Variants in POU3F1 observed in about 807,000 individuals in gnomAD.
POU3F1 encodes POU class 3 homeobox 1.
A neutral mutation model predicts 7.6 loss-of-function variants in POU3F1; 1 was observed. The observed-to-expected ratio is 0.13, with a 90% CI of 0.05 to 0.62. The LOEUF (loss-of-function observed/expected upper bound fraction) is 0.62. POU3F1 is among the 20% of genes least tolerant of loss of function. The probability of loss-of-function intolerance (pLI) is 0.87; values close to 1 mark genes in which losing one functional copy is unlikely to be tolerated. For synonymous variants in POU3F1, 354 were observed against 339.0 expected, an observed-to-expected ratio of 1.04 and a Z score of -0.49; for missense variants, 505 against 679.3, an observed-to-expected ratio of 0.74 and a Z score of 2.85.
chr1:38,046,019 C>T lies in POU3F1; in HGVS notation c.725G>A (p.Gly242Asp). The change falls in exon 1 of 1, where the codon GGC (glycine) becomes GAC (aspartate). Residue 242 changes from glycine (G) to aspartate (D), a missense_variant. Physicochemically the swap from Gly to Asp is moderately conservative, Grantham distance 94. This residue lies in a region of POU3F1 where 361 missense variants were observed against 382.1 expected (regional missense o/e 0.94). Coordinates refer to ENST00000373012, the MANE Select transcript of POU3F1 (RefSeq NM_002699.4). The surrounding 1 kb of genome is among the most constrained non-coding windows in gnomAD (Gnocchi z 9.5). ...PGAGGGGSSV[G>D]EHSDEDAPSS... ...GGGCGCATCCTCGTCCGAGTGCTCG[C>T]CCACCGATGAGCCGCCGCCGCCCGC... 1 of 1,597,294 alleles carries T rather than the reference C, an allele frequency of 6.3e-7. No individual in the cohort carries two copies.
Position 38,045,634 on chromosome 1 carries a change from G to T in POU3F1, c.1110C>A (p.Thr370=), listed in dbSNP as rs376666397. 1 of 1,613,630 alleles carries T rather than the reference G, an allele frequency of 6.2e-7. No individual in the cohort carries two copies. Among genetic ancestry groups the T allele is most frequent in the South Asian group, 1.1e-5 (1 of 91,016 alleles). ...KCPKPSAHEI[T]GLADSLQLEK... is the part of the protein sequence containing the mutation. ...CCAGCTGCAGGCTGTCTGCCAAGCC[G>T]GTGATCTCGTGCGCCGAGGGCTTGG... Residue 370 remains threonine, a synonymous_variant, in exon 1 of 1, where the codon ACC becomes ACA. Transcript: ENST00000373012. The surrounding 1 kb of genome is among the most constrained non-coding windows in gnomAD (Gnocchi z 9.4).
chr1:38,045,749 T>C lies in POU3F1; in HGVS notation c.995A>G (p.Lys332Arg), dbSNP rs1369703233. Reference protein sequence around the residue: ...SSSGSPTNLDKIAAQGRKRKK... With the variant: ...SSSGSPTNLDRIAAQGRKRKK... ...GCGCTTGCGGCCCTGCGCCGCGATCTTGTCCAGGTTGGTGGGGCTGCCGCT... is the reference window on the plus strand; with the variant it reads ...GCGCTTGCGGCCCTGCGCCGCGATCCTGTCCAGGTTGGTGGGGCTGCCGCT... The change falls in exon 1 of 1, where the codon AAG becomes AGG. Residue 332 changes from lysine to arginine, a missense_variant. Physicochemically the swap from Lys to Arg is conservative, Grantham distance 26 (BLOSUM62 2). Transcript: ENST00000373012. This position sits in a 1 kb window ranked among gnomAD's most constrained non-coding sequence, Gnocchi z 9.4. 7 of 1,613,290 alleles carry C rather than the reference T, an allele frequency of 4.3e-6. No individual in the cohort carries two copies. The highest frequency in any genetic ancestry group is 5.9e-6 in the Non-Finnish European group (7 of 1,179,776).
In POU3F1 at chr1:38,046,636, G is replaced by GGCCGCCGCC. The variant is rs753093803; in HGVS notation, c.99_107dup (p.Ala35_Ala37dup). The GGCCGCCGCC allele has an allele frequency of 1.7e-5, 22 of 1,318,550 alleles. No homozygotes were observed. The highest frequency in any genetic ancestry group is 1.1e-4 in the African/African-American group (7 of 63,972). 81.7% of individuals were successfully genotyped at this position (1,318,550 alleles called of 1,614,324 possible). A position where few individuals can be genotyped will look rare whatever the true frequency, so the allele number is the denominator to read the frequency against. On this transcript the variant is annotated inframe_insertion, in exon 1 of 1. Transcript: ENST00000373012. The surrounding 1 kb of genome is among the most constrained non-coding windows in gnomAD (Gnocchi z 9.5). ...CGGCCCCTGCATGCAATCGCTCCGC[G>GGCCGCCGCC]GCCGCCGCCGCCGCCGCCGCCGCCG...
Position 38,046,104 on chromosome 1 carries a change from C to T in POU3F1, c.640G>A (p.Ala214Thr). 1 of 1,290,756 alleles carries T rather than the reference C, an allele frequency of 7.7e-7. No homozygotes were observed. The highest frequency in any genetic ancestry group is 1.4e-5 in the South Asian group (1 of 69,552). The allele number at this position is 1,290,756 out of a possible 1,614,324, so 80.0% of individuals were successfully genotyped here. A position where few individuals can be genotyped will look rare whatever the true frequency, so the allele number is the denominator to read the frequency against. The change falls in exon 1 of 1, where the codon GCA becomes ACA. Residue 214 changes from alanine (A) to threonine (T), a missense_variant. This residue lies in a region of POU3F1 where 361 missense variants were observed against 382.1 expected (regional missense o/e 0.94). Transcript: ENST00000373012. This position sits in a 1 kb window ranked among gnomAD's most constrained non-coding sequence, Gnocchi z 9.5. ...PPPHLGAHGH[A>T]HGHAHAGGLH... ...CCGCCCGCGTGTGCATGTCCGTGTG[C>T]GTGTCCGTGGGCGCCCAGATGCGGC... is the stretch of plus-strand genomic sequence containing the variant.
Position 38,046,568 on chromosome 1 carries a change from C to T in POU3F1, c.176G>A (p.Gly59Asp), listed in dbSNP as rs867023292. 1.5e-6 allele frequency: 2 copies of T among 1,377,150 alleles called. No individual in the cohort carries two copies. Among genetic ancestry groups the T allele is most frequent in the Non-Finnish European group, 1.9e-6 (2 of 1,061,204 alleles). The allele number at this position is 1,377,150 out of a possible 1,614,324, so 85.3% of individuals were successfully genotyped here. Residue 59 changes from glycine to aspartate, a missense_variant, in exon 1 of 1, where the codon GGC (glycine) becomes GAC (aspartate). This residue lies in a region of POU3F1 where 361 missense variants were observed against 382.1 expected (regional missense o/e 0.94). Transcript: ENST00000373012. The surrounding 1 kb of genome is among the most constrained non-coding windows in gnomAD (Gnocchi z 9.5). ...VQKLMHHEWLGAGAGHPVGLA... is the reference protein window; with the variant it reads ...VQKLMHHEWLDAGAGHPVGLA... ...GCCCACGGGGTGGCCCGCGCCCGCGCCCAGCCACTCGTGGTGCATCAGCTT... is the reference window on the plus strand; with the variant it reads ...GCCCACGGGGTGGCCCGCGCCCGCGTCCAGCCACTCGTGGTGCATCAGCTT...
rs867610654 is a variant in POU3F1 at position 38,046,611 on chromosome 1, C to T, written c.133G>A (p.Ala45Thr). ...AAAERLHAGA[A>T]YREVQKLMHH... is the part of the protein sequence containing the mutation. ...ATCAGCTTCTGCACTTCGCGGTACG[C>T]GGCCCCTGCATGCAATCGCTCCGCG... Residue 45 changes from alanine (A) to threonine (T), a missense_variant, in exon 1 of 1, where the codon GCG becomes ACG. By Grantham distance (58) the Ala-to-Thr change is moderately conservative (BLOSUM62 0). This residue lies in a region of POU3F1 where 361 missense variants were observed against 382.1 expected (regional missense o/e 0.94). Coordinates refer to ENST00000373012, the MANE Select transcript of POU3F1 (RefSeq NM_002699.4). The surrounding 1 kb of genome is among the most constrained non-coding windows in gnomAD (Gnocchi z 9.5). 2 of 1,368,700 alleles carry T rather than the reference C, an allele frequency of 1.5e-6. No homozygotes were observed. Among genetic ancestry groups the T allele is most frequent in the Non-Finnish European group, 1.9e-6 (2 of 1,054,794 alleles). The allele number at this position is 1,368,700 out of a possible 1,614,324, so 84.8% of individuals were successfully genotyped here.
rs1646844372 is a variant in POU3F1, at chr1:38,044,053, T to C, written c.*1335A>G. Among the ~76,000 whole-genome samples, 1 of 151,968 alleles carries C rather than the reference T, an allele frequency of 6.6e-6. No homozygotes were observed. The highest frequency in any genetic ancestry group is 2.1e-4 in the South Asian group (1 of 4,834). On this transcript the variant is annotated 3_prime_UTR_variant, in exon 1 of 1. Transcript: ENST00000373012. ...GCTCCAAACACATCCAGAAAATAAA[T>C]AGAGATGGGTCAGAAATTCGGAAAT...
Position 38,046,772 on chromosome 1 carries a change from G to C in POU3F1, c.-29C>G. The C allele has an allele frequency of 3.0e-6, 3 of 985,302 alleles. No individual in the cohort carries two copies. Among genetic ancestry groups the C allele is most frequent in the Non-Finnish European group, 3.6e-6 (3 of 831,418 alleles). The allele number at this position is 985,302 out of a possible 1,614,324, so 61.0% of individuals were successfully genotyped here. A position where few individuals can be genotyped will look rare whatever the true frequency, so the allele number is the denominator to read the frequency against. On this transcript the variant is annotated 5_prime_UTR_variant, in exon 1 of 1. Transcript: ENST00000373012. This position sits in a 1 kb window ranked among gnomAD's most constrained non-coding sequence, Gnocchi z 9.5. ...GCCCCGCGCCCTGCGCCGCGCCGCC[G>C]CCGCCGCTCCGCTCCGTCTGCGGGC... is the stretch of plus-strand genomic sequence containing the variant.
Position 38,046,672 on chromosome 1 carries a change from G to A in POU3F1, c.72C>T (p.His24=). The change falls in exon 1 of 1, where the codon CAC becomes CAT. Residue 24 remains histidine, a synonymous_variant. Transcript: ENST00000373012. This position sits in a 1 kb window ranked among gnomAD's most constrained non-coding sequence, Gnocchi z 9.5. ...GGAGGTGPLM[H]PDAAAAAAAA... ...CCGCCGCCGCCGCCGCGGCGTCCGG[G>A]TGCATAAGCGGCCCGGTGCCCCCGG... 5 of 1,248,932 alleles carry A rather than the reference G, an allele frequency of 4.0e-6. No individual in the cohort carries two copies. The highest frequency in any genetic ancestry group is 5.0e-6 in the Non-Finnish European group (5 of 998,874). The allele number at this position is 1,248,932 out of a possible 1,614,324, so 77.4% of individuals were successfully genotyped here. A position where few individuals can be genotyped will look rare whatever the true frequency, so the allele number is the denominator to read the frequency against.
chr1:38,045,460 G>A lies in POU3F1; in HGVS notation c.1284C>T (p.Ser428=). 1 of 1,454,260 alleles carries A rather than the reference G, an allele frequency of 6.9e-7. No homozygotes were observed. Among genetic ancestry groups the A allele is most frequent in the African/African-American group, 1.4e-5 (1 of 69,564 alleles). 90.1% of individuals were successfully genotyped at this position (1,454,260 alleles called of 1,614,324 possible). The part of the protein sequence containing the change: ...GPGGGGASPP[S]APPPPPPAAL... ...CCGCCGGCGGGGGCGGTGGGGGCGC[G>A]GAGGGTGGCGATGCGCCGCCCCCGC... Residue 428 remains serine (S), a synonymous_variant, in exon 1 of 1, where the codon TCC becomes TCT. Coordinates refer to ENST00000373012, the MANE Select transcript of POU3F1 (RefSeq NM_002699.4). This position sits in a 1 kb window ranked among gnomAD's most constrained non-coding sequence, Gnocchi z 9.4.
In POU3F1 at chr1:38,045,148, T is replaced by G. The variant is rs1646851017; in HGVS notation, c.*240A>C. 1 of 158,202 alleles carries G rather than the reference T, an allele frequency of 6.3e-6. No homozygotes were observed. The highest frequency in any genetic ancestry group is 1.9e-4 in the East Asian group (1 of 5,250). The allele number at this position is 158,202 out of a possible 1,614,324, so 9.8% of individuals were successfully genotyped here. On this transcript the variant is annotated 3_prime_UTR_variant, in exon 1 of 1. Transcript: ENST00000373012. The surrounding 1 kb of genome is among the most constrained non-coding windows in gnomAD (Gnocchi z 9.4). ...CAGGCGGCGGGCAGGATGCCCGGGG[T>G]GAGTTGGCGAGTTCCGGATCTTCGC...
Position 38,046,286 on chromosome 1 carries a change from G to A in POU3F1, c.458C>T (p.Pro153Leu). 1 of 1,153,992 alleles carries A rather than the reference G, an allele frequency of 8.7e-7. No individual in the cohort carries two copies. Among genetic ancestry groups the A allele is most frequent in the Non-Finnish European group, 1.1e-6 (1 of 939,370 alleles). 71.5% of individuals were successfully genotyped at this position (1,153,992 alleles called of 1,614,324 possible). The change falls in exon 1 of 1, where the codon CCC becomes CTC. Residue 153 changes from proline (P) to leucine (L), a missense_variant. Around this residue, in one of 5 missense-constraint regions of POU3F1, gnomAD observed 361 missense variants for 382.1 expected, o/e 0.94. Coordinates refer to ENST00000373012, the MANE Select transcript of POU3F1 (RefSeq NM_002699.4). The surrounding 1 kb of genome is among the most constrained non-coding windows in gnomAD (Gnocchi z 9.5). ...CTGCGCGTACAGCCCGAGCGGCTGG[G>A]GCTGGTGGCCCCCGCTGGCCCCGGG... is the stretch of plus-strand genomic sequence containing the variant. ...PSPGASGGHQ[P>L]QPLGLYAQAA...
In POU3F1 at chr1:38,045,960, A is replaced by G; in HGVS notation, c.784T>C (p.Phe262Leu). Residue 262 changes from phenylalanine to leucine, a missense_variant, in exon 1 of 1, where the codon TTC becomes CTC. By Grantham distance (22) the Phe-to-Leu change is conservative. This residue lies in a region of POU3F1 where 26 missense variants were observed against 99.9 expected (regional missense o/e 0.26). Transcript: ENST00000373012. The surrounding 1 kb of genome is among the most constrained non-coding windows in gnomAD (Gnocchi z 9.4). The part of the protein sequence containing the change: ...SDDLEQFAKQ[F>L]KQRRIKLGFT... ...CCCAGCTTGATGCGCCGCTGCTTGA[A>G]CTGCTTGGCGAACTGCTCCAGGTCG... 1 of 1,612,904 alleles carries G rather than the reference A, an allele frequency of 6.2e-7. No individual in the cohort carries two copies. The highest frequency in any genetic ancestry group is 8.5e-7 in the Non-Finnish European group (1 of 1,179,914).
chr1:38,045,685 C>T lies in POU3F1; in HGVS notation c.1059G>A (p.Ala353=), dbSNP rs1646856698. The T allele has an allele frequency of 1.5e-5, 24 of 1,613,100 alleles. No individual in the cohort carries two copies. Among genetic ancestry groups the T allele is most frequent in the Non-Finnish European group, 2.0e-5 (24 of 1,179,616 alleles). Residue 353 remains alanine, a synonymous_variant, in exon 1 of 1, where the codon GCG becomes GCA. Transcript: ENST00000373012. The surrounding 1 kb of genome is among the most constrained non-coding windows in gnomAD (Gnocchi z 9.4). ...GGCACTTGAGAAAGTGGCTCTCGAG[C>T]GCGCCTTTGACCCCCACCTCGATGG... ...RTSIEVGVKG[A]LESHFLKCPK...
In POU3F1 at chr1:38,046,780, T is replaced by C; in HGVS notation, c.-37A>G. 1.0e-6 allele frequency: 1 copy of C among 983,614 alleles called. No homozygotes were observed. The highest frequency in any genetic ancestry group is 1.2e-6 in the Non-Finnish European group (1 of 830,700). The allele number at this position is 983,614 out of a possible 1,614,324, so 60.9% of individuals were successfully genotyped here. A position where few individuals can be genotyped will look rare whatever the true frequency, so the allele number is the denominator to read the frequency against. Reference sequence around the variant, plus strand: ...CCCTGCGCCGCGCCGCCGCCGCCGCTCCGCTCCGTCTGCGGGCCCCGCCGC... The same window carrying C: ...CCCTGCGCCGCGCCGCCGCCGCCGCCCCGCTCCGTCTGCGGGCCCCGCCGC... On this transcript the variant is annotated 5_prime_UTR_variant, in exon 1 of 1. Transcript: ENST00000373012. The surrounding 1 kb of genome is among the most constrained non-coding windows in gnomAD (Gnocchi z 9.5).
Position 38,046,388 on chromosome 1 carries a change from T to C in POU3F1, c.356A>G (p.Gln119Arg). 1 of 1,241,576 alleles carries C rather than the reference T, an allele frequency of 8.1e-7. No individual in the cohort carries two copies. The highest frequency in any genetic ancestry group is 4.4e-5 in the Admixed American group (1 of 22,604). 76.9% of individuals were successfully genotyped at this position (1,241,576 alleles called of 1,614,324 possible). Residue 119 changes from glutamine to arginine, a missense_variant, in exon 1 of 1, where the codon CAG becomes CGG. This residue lies in a region of POU3F1 where 361 missense variants were observed against 382.1 expected (regional missense o/e 0.94). Transcript: ENST00000373012. The surrounding 1 kb of genome is among the most constrained non-coding windows in gnomAD (Gnocchi z 9.5). Reference sequence around the variant, plus strand: ...TGCCGCGCCCGCGTGGGCCGCCCCCTGGTGCACCAGGCGCGCGTGGAAACC... The same window carrying C: ...TGCCGCGCCCGCGTGGGCCGCCCCCCGGTGCACCAGGCGCGCGTGGAAACC... ...GGGFHARLVH[Q>R]GAAHAGAAWA...
At position 38,044,334 on chromosome 1, in the gene POU3F1, AG is replaced by A. The variant is rs559365458; in HGVS notation, c.*1053del. On this transcript the variant is annotated 3_prime_UTR_variant, in exon 1 of 1. Coordinates refer to ENST00000373012, the MANE Select transcript of POU3F1 (RefSeq NM_002699.4). ...AGGGAAGCTGCAGGGAATCAGGCGG[AG>A]GGTTCTCAGGGAACGGCTTATTTCT... 1.5e-3 allele frequency among the ~76,000 whole-genome samples: 223 copies of A among 152,390 alleles called. No homozygotes were observed. The highest frequency in any genetic ancestry group is 4.6e-3 in the African/African-American group (193 of 41,600).
At position 38,046,243 on chromosome 1, in the gene POU3F1, G is replaced by A. The variant is rs1646860280; in HGVS notation, c.501C>T (p.Gly167=). The stretch of plus-strand genomic sequence containing the variant: ...GCATCCCGGCCAGGCCGCCGCCGCC[G>A]CCCCCCGGGTAGGCCGCCTGCGCGT... ...GLYAQAAYPG[G]GGGGLAGMLA... The change falls in exon 1 of 1, where the codon GGC becomes GGT. Residue 167 remains glycine (G), a synonymous_variant. Coordinates refer to ENST00000373012, the MANE Select transcript of POU3F1 (RefSeq NM_002699.4). This position sits in a 1 kb window ranked among gnomAD's most constrained non-coding sequence, Gnocchi z 9.5. 9.4e-7 allele frequency: 1 copy of A among 1,062,962 alleles called. No homozygotes were observed. The highest frequency in any genetic ancestry group is 1.1e-6 in the Non-Finnish European group (1 of 885,384). The allele number at this position is 1,062,962 out of a possible 1,614,324, so 65.8% of individuals were successfully genotyped here. A position where few individuals can be genotyped will look rare whatever the true frequency, so the allele number is the denominator to read the frequency against.
In POU3F1 at chr1:38,046,188, C is replaced by T. The variant is rs899926051; in HGVS notation, c.556G>A (p.Gly186Ser). 8 of 1,151,262 alleles carry T rather than the reference C, an allele frequency of 6.9e-6. No homozygotes were observed. The highest frequency in any genetic ancestry group is 3.3e-5 in the African/African-American group (2 of 60,808). 71.3% of individuals were successfully genotyped at this position (1,151,262 alleles called of 1,614,324 possible). A position where few individuals can be genotyped will look rare whatever the true frequency, so the allele number is the denominator to read the frequency against. The change falls in exon 1 of 1, where the codon GGC (glycine) becomes AGC (serine). Residue 186 changes from glycine to serine, a missense_variant. This residue lies in a region of POU3F1 where 361 missense variants were observed against 382.1 expected (regional missense o/e 0.94). Coordinates refer to ENST00000373012, the MANE Select transcript of POU3F1 (RefSeq NM_002699.4). This position sits in a 1 kb window ranked among gnomAD's most constrained non-coding sequence, Gnocchi z 9.5. ...TCCTCGTGCAGCGCGTGGTGCAGGCCCGGCCCCGCGCCGCCACCGCCCGCC... is the reference window on the plus strand; with the variant it reads ...TCCTCGTGCAGCGCGTGGTGCAGGCTCGGCCCCGCGCCGCCACCGCCCGCC... ...LAAGGGGAGP[G>S]LHHALHEDGH...
Sources: allele counts gnomAD v4.1 joint callset (sites outside exome capture counted in the v4.1 genomes callset), GRCh38; gene constraint gnomAD v4.1.1; regional missense constraint gnomAD v4.1.1; non-coding constraint Gnocchi (gnomAD v3.1); transcripts MANE v1.5; gene names NCBI Gene and HGNC (gene_info 2026-07-23, HGNC 2026-07-21).